PRKN: variants seen among roughly 807,000 people sequenced by gnomAD.
The protein encoded by PRKN is E3 ubiquitin-protein ligase parkin.
PRKN carries 56 observed loss-of-function variants against 59.5 expected under a neutral mutation model. The ratio of observed to expected loss-of-function variants is 0.94; its 90% confidence interval spans 0.76 to 1.18. PRKN has a LOEUF of 1.18. Ranked by LOEUF, PRKN falls within the 50% of genes most tolerant of loss-of-function variation. The probability of loss-of-function intolerance (pLI) is 0.00; values close to 1 mark genes in which losing one functional copy is unlikely to be tolerated. For missense variants in PRKN, 657 were observed against 596.4 expected (o/e 1.10, Z -1.06); for synonymous variants, 250 against 222.1 (o/e 1.13, Z -1.12).
rs556586555 is a variant in PRKN, at chr6:162,586,128, G to C, written c.7+141534C>G. Among the ~76,000 whole-genome samples the C allele has an allele frequency of 3.9e-5, 6 of 152,264 alleles. No individual in the cohort carries two copies. The South Asian group carries it at 1.2e-3, about 32-fold the overall frequency. Reference sequence around the variant, plus strand: ...ACCAAGGCACCCAATAGAGGAGCCAGGATTCACCCCCATTTAGCCTGACCC... The same window carrying C: ...ACCAAGGCACCCAATAGAGGAGCCACGATTCACCCCCATTTAGCCTGACCC... On this transcript the variant is annotated intron_variant, in intron 1 of 11. Coordinates refer to ENST00000366898, the MANE Select transcript of PRKN (RefSeq NM_004562.3).
At chr6:161,669,091 G>A (rs1784820422) in intron 7 of PRKN, among the ~76,000 whole-genome samples, 2 of 152,144 alleles carry the variant, frequency 1.3e-5, no homozygotes, top group Admixed American at 6.5e-5. Flanking sequence ...GAAGAGGCCT[G>A]AGAGAGCTCA....
At chr6:162,330,999 T>A (rs1174403445) in intron 2 of PRKN, among the ~76,000 whole-genome samples, 1 of 152,062 alleles carries the variant, frequency 6.6e-6, no homozygotes, top group Non-Finnish European at 1.5e-5. Flanking sequence ...CCCAGATATA[T>A]CGTTTCAGGT....
intron 2 of PRKN, among the ~76,000 whole-genome samples, chr6:162,413,358 C>T (rs937412364): frequency 6.6e-6 from 1 of 152,196 alleles, no homozygotes; most frequent in South Asian, 2.1e-4. Context: ...GAGCGGTCTA[C>T]ATATTTGCGT....
intron 3 of PRKN, among the ~76,000 whole-genome samples, chr6:162,251,327 C>T (rs1278330035): frequency 6.6e-6 from 1 of 152,108 alleles, no homozygotes; most frequent in Non-Finnish European, 1.5e-5. Flanking sequence ...GGCTGCTCAT[C>T]AGAATCACCT....
intron 3 of PRKN, among the ~76,000 whole-genome samples, chr6:162,208,927 C>G (rs1373290171): frequency 1.3e-5 from 2 of 152,132 alleles, no homozygotes; most frequent in South Asian, 2.1e-4. Flanking sequence ...CCCTTCCTTA[C>G]ACCTTATACA....
At chr6:161,636,109 G>A (rs567222964) in intron 7 of PRKN, among the ~76,000 whole-genome samples, 1 of 152,306 alleles carries the variant, frequency 6.6e-6, no homozygotes, top group South Asian at 2.1e-4. Flanking sequence ...GTTGTGCTGA[G>A]GGCAGCACAG....
rs569618649 is a variant in PRKN at position 162,165,518 on chromosome 6, G to A, written c.534+35613C>T. ...AACAAAATACAAGAAGAGACATCAC[G>A]AAAAGAAAAATATGAATCACTAACC... On this transcript the variant is annotated intron_variant, in intron 4 of 11. Coordinates refer to ENST00000366898, the MANE Select transcript of PRKN (RefSeq NM_004562.3). Among the ~76,000 whole-genome samples, 12 of 149,208 alleles carry A rather than the reference G, an allele frequency of 8.0e-5. No individual in the cohort carries two copies. In the South Asian group the frequency reaches 1.3e-3, roughly 16 times the overall value.
intron 1 of PRKN, among the ~76,000 whole-genome samples, chr6:162,542,519 T>C (rs1387866485): frequency 2.0e-5 from 3 of 152,084 alleles, no homozygotes; most frequent in African/African-American, 7.2e-5. Flanking sequence ...GAGAGCTTAA[T>C]ATTGAGATGC....
rs1780504866 is a variant in PRKN at position 161,562,750 on chromosome 6, A to C, written c.933+6605T>G. Among the ~76,000 whole-genome samples the C allele has an allele frequency of 6.6e-6, 1 of 152,174 alleles. No individual in the cohort carries two copies. The highest frequency in any genetic ancestry group is 1.5e-5 in the Non-Finnish European group (1 of 68,028). ...TTCCCTGACCCACAGCCAGTCAGTC[A>C]CCAAGTCCTTGAATTCTGCCTCTCA... On this transcript the variant is annotated intron_variant, in intron 8 of 11. Transcript: ENST00000366898. This position sits in a 1 kb window ranked among gnomAD's most constrained non-coding sequence, Gnocchi z 4.3.
chr6:161,971,715 GC>G (rs1181146842), intron 6 of PRKN, among the ~76,000 whole-genome samples: 1 of 146,666 alleles, frequency 6.8e-6, no homozygotes, highest in Non-Finnish European at 1.5e-5. Context: ...TTCAACAGAT[GC>G]TGTTAAGGTT....
chr6:161,961,651 G>A (rs1359256830), intron 6 of PRKN, among the ~76,000 whole-genome samples: 1 of 152,082 alleles, frequency 6.6e-6, no homozygotes, highest in Non-Finnish European at 1.5e-5. Context: ...TGTCCCCGTC[G>A]ACGGCTTTCC....
At chr6:161,425,074 T>C (rs1310761196) in intron 9 of PRKN, among the ~76,000 whole-genome samples, 1 of 151,172 alleles carries the variant, frequency 6.6e-6, no homozygotes, top group Non-Finnish European at 1.5e-5. Context: ...CCAATGTTTA[T>C]TGAGTGCCTA....
chr6:161,599,719 G>C (rs1253035225), intron 7 of PRKN, among the ~76,000 whole-genome samples: 1 of 152,208 alleles, frequency 6.6e-6, no homozygotes, highest in Admixed American at 6.5e-5. Context: ...GTTTGGCAGT[G>C]CTGGGATAGG....
intron 2 of PRKN, among the ~76,000 whole-genome samples, chr6:162,282,367 G>C (rs1184800623): frequency 6.7e-6 from 1 of 149,940 alleles, no homozygotes; most frequent in African/African-American, 2.4e-5. Context: ...TTCACTCAAA[G>C]TGATAAAAAT....
chr6:162,363,131 C>CAAA (rs34722234), intron 2 of PRKN, among the ~76,000 whole-genome samples: 1 of 98,386 alleles, frequency 1.0e-5, no homozygotes, highest in African/African-American at 3.7e-5. Context: ...CCTTCTCAAA[C>CAAA]AAAAAAAAAA....
At chr6:162,149,826 A>G (rs1583107249) in intron 4 of PRKN, among the ~76,000 whole-genome samples, 1 of 152,274 alleles carries the variant, frequency 6.6e-6, no homozygotes, top group East Asian at 1.9e-4. Context: ...CAAGAGACGG[A>G]AAGAGGGTCT....
At chr6:161,947,596 G>A (rs866558417) in intron 6 of PRKN, among the ~76,000 whole-genome samples, 1 of 152,142 alleles carries the variant, frequency 6.6e-6, no homozygotes, top group African/African-American at 2.4e-5. Context: ...AGTGATACCT[G>A]TCATGGAACT....
chr6:162,618,264 T>C (rs1276427153), intron 1 of PRKN, among the ~76,000 whole-genome samples: 1 of 152,192 alleles, frequency 6.6e-6, no homozygotes. Context: ...TATTCAATCT[T>C]ATCAATGCAT....
intron 1 of PRKN, among the ~76,000 whole-genome samples, chr6:162,694,169 T>C (rs1437427775): frequency 6.9e-6 from 1 of 144,306 alleles, no homozygotes; most frequent in Non-Finnish European, 1.5e-5. Flanking sequence ...ATGGTGTGAA[T>C]CTGGGAGGCG....
Sources: allele counts gnomAD v4.1 joint callset (sites outside exome capture counted in the v4.1 genomes callset), GRCh38; gene constraint gnomAD v4.1.1; non-coding constraint Gnocchi (gnomAD v3.1); transcripts MANE v1.5; gene names NCBI Gene and HGNC (gene_info 2026-07-23, HGNC 2026-07-21).